Variants in GRIN2B observed in about 807,000 individuals in gnomAD.
GRIN2B encodes glutamate receptor ionotropic, NMDA 2B.
A neutral mutation model predicts 114.5 loss-of-function variants in GRIN2B; 5 were observed. That is an observed-to-expected ratio of 0.04 (90% confidence interval 0.02 to 0.09). The LOEUF is 0.09. GRIN2B is among the 10% of genes least tolerant of loss of function. The pLI, the probability that GRIN2B is intolerant of heterozygous loss-of-function variation, is 1.00. For synonymous variants in GRIN2B, 787 were observed against 745.1 expected, an observed-to-expected ratio of 1.06 and a Z score of -0.92; for missense variants, 1,108 against 1,943.5, an observed-to-expected ratio of 0.57 and a Z score of 8.08.
intron 4 of GRIN2B, among the ~76,000 whole-genome samples, chr12:13,732,491 A>AC (rs1181263111): frequency 6.6e-6 from 1 of 152,118 alleles, no homozygotes; most frequent in East Asian, 1.9e-4. Flanking sequence ...GTCAAGTGTC[A>AC]CTCCAACCCC....
chr12:13,968,673 CT>C (rs1867828849), intron 2 of GRIN2B, among the ~76,000 whole-genome samples: 1 of 152,184 alleles, frequency 6.6e-6, no homozygotes, highest in Non-Finnish European at 1.5e-5. Flanking sequence ...GGAATTTAAC[CT>C]TTGTATTTTA....
chr12:13,769,759 A>C (rs184677449), intron 3 of GRIN2B, among the ~76,000 whole-genome samples: 2 of 152,348 alleles, frequency 1.3e-5, no homozygotes, highest in Non-Finnish European at 2.9e-5. Flanking sequence ...CCCCCAAATA[A>C]TAAATAAGCA....
chr12:13,818,752 T>C (rs1398326846), intron 3 of GRIN2B, among the ~76,000 whole-genome samples: 1 of 152,228 alleles, frequency 6.6e-6, no homozygotes, highest in Non-Finnish European at 1.5e-5. Flanking sequence ...TGACAGAGCC[T>C]GTCCCAGAGA....
At chr12:13,612,023 C>G (rs1161001042) in intron 8 of GRIN2B, among the ~76,000 whole-genome samples, 173 bp from the exon 9 acceptor site, 2 of 152,210 alleles carry the variant, frequency 1.3e-5, no homozygotes, top group Non-Finnish European at 2.9e-5. Flanking sequence ...CCTTAAAGGT[C>G]AAGGATTGCC....
At chr12:13,947,479 T>C (rs1867382145) in intron 2 of GRIN2B, among the ~76,000 whole-genome samples, 1 of 152,120 alleles carries the variant, frequency 6.6e-6, no homozygotes, top group Admixed American at 6.6e-5. Flanking sequence ...ACAGTCACGC[T>C]TCACCTCACT....
chr12:13,750,968 A>G (rs1863475068), intron 4 of GRIN2B, among the ~76,000 whole-genome samples: 1 of 152,214 alleles, frequency 6.6e-6, no homozygotes, highest in Non-Finnish European at 1.5e-5. Flanking sequence ...AAGCTCAGGA[A>G]AGACTTCCCA....
intron 5 of GRIN2B, among the ~76,000 whole-genome samples, chr12:13,640,049 A>G (rs1408145105): frequency 6.6e-6 from 1 of 152,102 alleles, no homozygotes; most frequent in Admixed American, 6.6e-5. Context: ...ACTATTCTGC[A>G]CTTCCTTGAG....
At chr12:13,691,853 T>C (rs111504772) in intron 4 of GRIN2B, among the ~76,000 whole-genome samples, 193 of 152,244 alleles carry the variant, frequency 1.3e-3, no homozygotes, top group African/African-American at 4.4e-3. Context: ...AAGTAGGTGT[T>C]GGTGGAAAGA....
At chr12:13,607,151 A>AT (rs1325051401) in intron 10 of GRIN2B, among the ~76,000 whole-genome samples, 9 of 124,908 alleles carry the variant, frequency 7.2e-5, no homozygotes, top group East Asian at 2.1e-4. Flanking sequence ...ACTCAAAAAA[A>AT]ATATATATAT....
intron 3 of GRIN2B, among the ~76,000 whole-genome samples, chr12:13,757,283 A>G (rs1863592896): frequency 6.6e-6 from 1 of 152,228 alleles, no homozygotes; most frequent in East Asian, 1.9e-4. Flanking sequence ...TGACACATCA[A>G]TATGGTATAC....
intron 2 of GRIN2B, among the ~76,000 whole-genome samples, chr12:13,881,009 TGTGTGC>T (rs138721009): frequency 0.11 from 17,394 of 151,632 alleles, 1,308 homozygotes; most frequent in Middle Eastern, 0.19. Context: ...TGTGTGTGTG[TGTGTGC>T]GCGTGCGCGC....
chr12:13,562,919 G>T lies in GRIN2B; in HGVS notation c.4319C>A (p.Ala1440Asp). The T allele has an allele frequency of 6.2e-7, 1 of 1,614,200 alleles. No individual in the cohort carries two copies. Among genetic ancestry groups the T allele is most frequent in the Non-Finnish European group, 8.5e-7 (1 of 1,180,034 alleles). The change falls in exon 14 of 14, where the codon GCC becomes GAC. Residue 1440 changes from alanine (A) to aspartate (D), a missense_variant. Transcript: ENST00000609686. ...VVSALHGAVP[A>D]RFQKDICIGN... is the part of the protein sequence containing the mutation. ...TATACAGATGTCCTTCTGGAAACGG[G>T]CTGGCACGGCCCCATGAAGGGCCGA...
chr12:13,786,675 GA>G (rs3216541), intron 3 of GRIN2B, among the ~76,000 whole-genome samples: 24 of 132,978 alleles, frequency 1.8e-4, no homozygotes, highest in South Asian at 1.0e-3. Flanking sequence ...GGGCTGAGGG[GA>G]AAAAAAAAAG....
At chr12:13,827,499 A>C (rs555540826) in intron 3 of GRIN2B, among the ~76,000 whole-genome samples, 1 of 151,832 alleles carries the variant, frequency 6.6e-6, no homozygotes, top group Admixed American at 6.6e-5. Flanking sequence ...TTCTTTTGCT[A>C]TACTCTAGAT....
chr12:13,806,630 A>G (rs2136679203), intron 3 of GRIN2B, among the ~76,000 whole-genome samples: 1 of 152,092 alleles, frequency 6.6e-6, no homozygotes, highest in South Asian at 2.1e-4. Flanking sequence ...CCTTTATTAG[A>G]TGTATGATTT....
chr12:13,693,932 A>G (rs1297327943), intron 4 of GRIN2B, among the ~76,000 whole-genome samples: 1 of 152,086 alleles, frequency 6.6e-6, no homozygotes, highest in African/African-American at 2.4e-5. Context: ...AACTACTACC[A>G]TCTAGAGGAG....
intron 2 of GRIN2B, among the ~76,000 whole-genome samples, chr12:13,891,440 A>G (rs773713971): frequency 2.6e-5 from 4 of 152,158 alleles, no homozygotes; most frequent in Admixed American, 1.3e-4. Flanking sequence ...TGGTCATTGT[A>G]AGGCATTGTT....
intron 3 of GRIN2B, among the ~76,000 whole-genome samples, chr12:13,813,484 C>T (rs1257520023): frequency 6.6e-6 from 1 of 152,142 alleles, no homozygotes; most frequent in African/African-American, 2.4e-5. Context: ...TTGTTGGCAG[C>T]AATAACAACA....
intron 12 of GRIN2B, among the ~76,000 whole-genome samples, chr12:13,567,564 T>C (rs1022657076): frequency 1.3e-5 from 2 of 152,158 alleles, no homozygotes; most frequent in African/African-American, 2.4e-5. Context: ...AATTGGCATA[T>C]AAATAATCAC....
Sources: allele counts gnomAD v4.1 joint callset (sites outside exome capture counted in the v4.1 genomes callset), GRCh38; gene constraint gnomAD v4.1.1; transcripts MANE v1.5; gene names NCBI Gene and HGNC (gene_info 2026-07-23, HGNC 2026-07-21).